Variants in FHL2 observed in about 807,000 individuals in gnomAD.
FHL2 encodes the protein four and a half LIM domains protein 2.
Under a neutral mutation model 32.7 loss-of-function variants are expected in FHL2, and 20 were observed. The observed-to-expected ratio is 0.61, with a 90% CI of 0.43 to 0.89. The LOEUF is 0.89. FHL2 is among the 40% of genes least tolerant of loss of function. The pLI is 0.00. For synonymous variants in FHL2, 123 were observed against 128.1 expected (o/e 0.96, Z 0.27); for missense variants, 311 against 358.6 (o/e 0.87, Z 1.07).
rs564763848 is a variant in FHL2 at position 105,404,663 on chromosome 2, C to A, written c.-24-18123G>T. Among the ~76,000 whole-genome samples the A allele has an allele frequency of 2.6e-5, 4 of 152,282 alleles. No homozygotes were observed. The South Asian group carries it at 8.3e-4, about 32-fold the overall frequency. On this transcript the variant is annotated intron_variant, in intron 1 of 5. Coordinates refer to the FHL2 transcript ENST00000393352. The stretch of plus-strand genomic sequence containing the variant: ...GTTACAGGAACGATCTTGCAGGATC[C>A]AAACTTTGTTTCTCTGCCTGTCAGA...
intron 1 of FHL2, among the ~76,000 whole-genome samples, chr2:105,428,458 C>A (rs1322513552): frequency 6.6e-6 from 1 of 152,218 alleles, no homozygotes; most frequent in Non-Finnish European, 1.5e-5. Context: ...TCAAACCTGG[C>A]TGGTTTGCTG....
chr2:105,387,910 A>C (rs1451226515), intron 2 of FHL2, among the ~76,000 whole-genome samples: 1 of 152,222 alleles, frequency 6.6e-6, no homozygotes, highest in Non-Finnish European at 1.5e-5. Flanking sequence ...ATACATCATG[A>C]AATACTATGC....
At chr2:105,405,563 C>T (rs1315479473) in intron 1 of FHL2, among the ~76,000 whole-genome samples, 4 of 152,240 alleles carry the variant, frequency 2.6e-5, no homozygotes, top group Non-Finnish European at 5.9e-5. Context: ...AGGCGTGAGC[C>T]ACCATGGCTG....
At chr2:105,425,971 GTCTCTC>G (rs1558733400) in intron 1 of FHL2, among the ~76,000 whole-genome samples, 1 of 152,136 alleles carries the variant, frequency 6.6e-6, no homozygotes, top group Admixed American at 6.5e-5. Context: ...TCTATACTTT[GTCTCTC>G]TGTCTTATTT....
At chr2:105,433,066 G>T (rs1457594517) in intron 1 of FHL2, among the ~76,000 whole-genome samples, 1 of 152,162 alleles carries the variant, frequency 6.6e-6, no homozygotes, top group Non-Finnish European at 1.5e-5. Flanking sequence ...AGCTCTCAGG[G>T]TTTAACTAGG....
At chr2:105,417,491 C>G (rs1247527983) in intron 1 of FHL2, among the ~76,000 whole-genome samples, 1 of 151,946 alleles carries the variant, frequency 6.6e-6, no homozygotes, top group African/African-American at 2.4e-5. Flanking sequence ...CGCGATCAGC[C>G]TGGGCAACAT....
intron 1 of FHL2, among the ~76,000 whole-genome samples, chr2:105,435,189 CAT>C (rs1684569815): frequency 1.3e-5 from 2 of 151,958 alleles, no homozygotes; most frequent in South Asian, 4.1e-4. Context: ...TTGATGGTTG[CAT>C]ATATTCCATA....
At chr2:105,388,934 C>T (rs896360737) in intron 2 of FHL2, among the ~76,000 whole-genome samples, 3 of 152,134 alleles carry the variant, frequency 2.0e-5, no homozygotes, top group African/African-American at 4.8e-5. Context: ...AAAAGATAGG[C>T]GAGTGAAATG....
intron 1 of FHL2, among the ~76,000 whole-genome samples, chr2:105,409,125 C>A (rs1219238471): frequency 6.6e-6 from 1 of 152,072 alleles, no homozygotes; most frequent in Non-Finnish European, 1.5e-5. Flanking sequence ...ACCTCAGAGA[C>A]CAGTTGGGAG....
At chr2:105,435,860 A>G (rs1487660334) in intron 1 of FHL2, among the ~76,000 whole-genome samples, 2 of 152,176 alleles carry the variant, frequency 1.3e-5, no homozygotes, top group East Asian at 3.9e-4. Context: ...AACAATAAAA[A>G]AAGACCAGAA....
chr2:105,421,365 T>G (rs1460647278), intron 1 of FHL2, among the ~76,000 whole-genome samples: 1 of 152,066 alleles, frequency 6.6e-6, no homozygotes, highest in Non-Finnish European at 1.5e-5. Context: ...GTCACTGGAG[T>G]GTAGATGCTG....
intron 1 of FHL2, among the ~76,000 whole-genome samples, chr2:105,436,514 G>A (rs888246882): frequency 1.3e-5 from 2 of 151,980 alleles, no homozygotes; most frequent in South Asian, 2.1e-4. Context: ...AAAGACATTG[G>A]CCATAAATTG....
upstream of FHL2, among the ~76,000 whole-genome samples, chr2:105,400,956 C>T (rs1683444725): frequency 6.6e-6 from 1 of 151,740 alleles, no homozygotes. Context: ...AACAAACATA[C>T]CCAGTTTCTA....
upstream of FHL2, among the ~76,000 whole-genome samples, chr2:105,400,294 A>G (rs574651430): frequency 4.6e-5 from 7 of 152,322 alleles, no homozygotes; most frequent in East Asian, 1.4e-3. Flanking sequence ...CTCATCCCTC[A>G]GTCACTCAGG....
At chr2:105,423,942 A>G (rs1253141806) in intron 1 of FHL2, among the ~76,000 whole-genome samples, 2 of 152,216 alleles carry the variant, frequency 1.3e-5, no homozygotes, top group Non-Finnish European at 2.9e-5. Flanking sequence ...AACCTAGGCA[A>G]TACCATTCAG....
intron 1 of FHL2, among the ~76,000 whole-genome samples, chr2:105,432,985 A>AT (rs1684482785): frequency 6.6e-6 from 1 of 152,166 alleles, no homozygotes; most frequent in African/African-American, 2.4e-5. Flanking sequence ...AACTCAACTG[A>AT]ATTAAACACA....
intron 2 of FHL2, among the ~76,000 whole-genome samples, chr2:105,387,709 G>A (rs948078250): frequency 2.0e-5 from 3 of 152,150 alleles, no homozygotes; most frequent in Non-Finnish European, 4.4e-5. Context: ...ATTCCTCCAA[G>A]AGCTAAAAAC....
Position 105,399,012 on chromosome 2 carries a change from C to CGCGGGCGGCTGGTGGCT in FHL2, c.-263_-247dup. 4.0e-6 allele frequency: 6 copies of CGCGGGCGGCTGGTGGCT among 1,497,080 alleles called. No homozygotes were observed. The highest frequency in any genetic ancestry group is 5.3e-6 in the Non-Finnish European group (6 of 1,126,498). 92.7% of individuals were successfully genotyped at this position (1,497,080 alleles called of 1,614,324 possible). A position where few individuals can be genotyped will look rare whatever the true frequency, so the allele number is the denominator to read the frequency against. On this transcript the variant is annotated 5_prime_UTR_variant, in exon 1 of 7. Transcript: ENST00000530340. ...GGGACTCCCGGACGGGGCTGGAGGG[C>CGCGGGCGGCTGGTGGCT]GCGGGCGGCTGGTGGCTGCGGCTCC...
intron 1 of FHL2, among the ~76,000 whole-genome samples, chr2:105,411,538 GTTTTTTTTTT>G (rs9308884): frequency 1.2e-5 from 1 of 81,150 alleles, no homozygotes; most frequent in East Asian, 4.0e-4. Context: ...TGAACTTAGG[GTTTTTTTTTT>G]TTTTTTTTTT....
Sources: allele counts gnomAD v4.1 joint callset (sites outside exome capture counted in the v4.1 genomes callset), GRCh38; gene constraint gnomAD v4.1.1; transcripts MANE v1.5; gene names NCBI Gene and HGNC (gene_info 2026-07-23, HGNC 2026-07-21).